SORCS2: variants seen among roughly 807,000 people sequenced by gnomAD.
The protein encoded by SORCS2 is sortilin related VPS10 domain containing receptor 2, also known as VPS10 domain-containing receptor SorCS2.
In SORCS2, 100 loss-of-function variants were observed where a neutral mutation model predicts 141.6. That is an observed-to-expected ratio of 0.71 (90% confidence interval 0.60 to 0.83). SORCS2 has a LOEUF of 0.83. Among genes scored for constraint, SORCS2 ranks in the 40% least tolerant of loss-of-function variants. The pLI is 0.00. For missense variants in SORCS2, 1,646 were observed against 1,560.2 expected (o/e 1.05, Z -0.93); for synonymous variants, 789 against 676.9 (o/e 1.17, Z -2.57).
intron 3 of SORCS2, among the ~76,000 whole-genome samples, chr4:7,540,782 C>T (rs9991407): frequency 0.21 from 31,868 of 152,170 alleles, 3,379 homozygotes; most frequent in African/African-American, 0.24. Flanking sequence ...GACCCCCCTG[C>T]CCCCCGCACC....
chr4:7,441,007 A>T (rs1391164295), intron 2 of SORCS2, among the ~76,000 whole-genome samples: 1 of 152,110 alleles, frequency 6.6e-6, no homozygotes, highest in Admixed American at 6.5e-5. Context: ...CCGTGGGGGA[A>T]GGTGGAGATT....
At chr4:7,276,599 A>G (rs1428773956) in intron 1 of SORCS2, among the ~76,000 whole-genome samples, 2 of 152,136 alleles carry the variant, frequency 1.3e-5, no homozygotes. Context: ...ACGCACTGGA[A>G]ACTCAGGTGG....
chr4:7,596,436 A>G (rs1472768571), intron 3 of SORCS2, among the ~76,000 whole-genome samples: 1 of 152,318 alleles, frequency 6.6e-6, no homozygotes, highest in East Asian at 1.9e-4. Context: ...AGTGCCCTTC[A>G]GGTGCCAAGA....
intron 2 of SORCS2, among the ~76,000 whole-genome samples, chr4:7,498,354 C>T (rs537872998): frequency 3.1e-4 from 47 of 152,334 alleles, no homozygotes; most frequent in African/African-American, 1.1e-3. Context: ...AGTGGGAGCA[C>T]CTGCCCAGAG....
intron 13 of SORCS2, 125 bp from the exon 14 acceptor site, chr4:7,704,052 T>A (rs1725255290): frequency 5.4e-6 from 4 of 739,650 alleles, no homozygotes; most frequent in Non-Finnish European, 9.7e-6. Flanking sequence ...AGATGTGGTA[T>A]CACCTGCACT....
intron 3 of SORCS2, among the ~76,000 whole-genome samples, chr4:7,635,366 C>T (rs1232557661): frequency 6.6e-6 from 1 of 152,212 alleles, no homozygotes; most frequent in Admixed American, 6.5e-5. Flanking sequence ...ATCTCTGCAA[C>T]TTTTCTGTAA....
intron 3 of SORCS2, among the ~76,000 whole-genome samples, chr4:7,584,009 C>T (rs1716364599): frequency 6.6e-6 from 1 of 152,200 alleles, no homozygotes; most frequent in South Asian, 2.1e-4. Context: ...AAGACCTGCT[C>T]CCAGAGGCTA....
intron 3 of SORCS2, among the ~76,000 whole-genome samples, chr4:7,586,489 C>T (rs552851404): frequency 6.6e-6 from 1 of 152,240 alleles, no homozygotes; most frequent in African/African-American, 2.4e-5. Flanking sequence ...GCCCCATTCT[C>T]CCAACAGGCC....
intron 3 of SORCS2, among the ~76,000 whole-genome samples, chr4:7,558,844 T>G (rs1714324080): frequency 6.6e-6 from 1 of 152,206 alleles, no homozygotes; most frequent in Non-Finnish European, 1.5e-5. Context: ...CACGGGCCTC[T>G]GGCTTTACCC....
intron 1 of SORCS2, among the ~76,000 whole-genome samples, chr4:7,343,663 A>C (rs986910572): frequency 6.6e-6 from 1 of 152,200 alleles, no homozygotes; most frequent in Admixed American, 6.5e-5. Context: ...TGCCTGCCTC[A>C]GTTTCCCCAT....
chr4:7,641,095 C>T (rs1190356380), intron 4 of SORCS2, among the ~76,000 whole-genome samples: 1 of 152,168 alleles, frequency 6.6e-6, no homozygotes, highest in African/African-American at 2.4e-5. Context: ...CCACCGCAGG[C>T]CAGCTTGGGC....
At chr4:7,697,108 G>T in intron 11 of SORCS2, 90 bp from the exon 12 acceptor site, 4 of 1,141,434 alleles carry the variant, frequency 3.5e-6, no homozygotes, top group Non-Finnish European at 5.1e-6. Flanking sequence ...ACTGGCCACC[G>T]TTGCTTGAGG....
In SORCS2 at chr4:7,408,014, T is replaced by C. The variant is rs550284796; in HGVS notation, c.548+11659T>C. On this transcript the variant is annotated intron_variant, in intron 2 of 26. Transcript: ENST00000507866. ...TTAGTTGTTTCAGTTTACGTATTTC[T>C]ATATTACCTATTTCTCAGCAAGTTG... 3.9e-5 allele frequency among the ~76,000 whole-genome samples: 6 copies of C among 152,274 alleles called. No individual in the cohort carries two copies. In the South Asian group the frequency reaches 1.2e-3, roughly 32 times the overall value.
At chr4:7,362,160 C>T (rs1239593442) in intron 1 of SORCS2, among the ~76,000 whole-genome samples, 1 of 152,056 alleles carries the variant, frequency 6.6e-6, no homozygotes, top group African/African-American at 2.4e-5. Context: ...TGTGAGAGAA[C>T]AAGATGGCAA....
chr4:7,725,346 A>C (rs1465744426), intron 20 of SORCS2, 59 bp downstream of exon 20: 3 of 1,562,354 alleles, frequency 1.9e-6, no homozygotes, highest in African/African-American at 2.7e-5. Flanking sequence ...CAAGCTGCAC[A>C]GTGGGGCAGA....
rs370962184 is a variant in SORCS2, at chr4:7,566,938, C to T, written c.648+35309C>T. ...GAGCTAGTCACATGGCCTGGCTTACCTTAGTGGATGCTGGGAAATGCAGAG... is the reference window on the plus strand; with the variant it reads ...GAGCTAGTCACATGGCCTGGCTTACTTTAGTGGATGCTGGGAAATGCAGAG... On this transcript the variant is annotated intron_variant, in intron 3 of 26. Coordinates refer to ENST00000507866, the MANE Select transcript of SORCS2 (RefSeq NM_020777.3). 2.0e-5 allele frequency among the ~76,000 whole-genome samples: 3 copies of T among 151,970 alleles called. No individual in the cohort carries two copies. The East Asian group carries it at 5.8e-4, about 30-fold the overall frequency.
chr4:7,213,836 C>T (rs1728181347), intron 1 of SORCS2, among the ~76,000 whole-genome samples: 1 of 152,190 alleles, frequency 6.6e-6, no homozygotes, highest in African/African-American at 2.4e-5. Context: ...TACTTGGATG[C>T]CACGAGCCAG....
Position 7,676,081 on chromosome 4 carries a change from A to G in SORCS2, c.1193A>G (p.Gln398Arg). ...CAGATCATCAGCACGGACGAGAGTC[A>G]GGTGTTCGTGGCGGTGCAGGAGTGG... The part of the protein sequence containing the change: ...DLQIISTDES[Q>R]VFVAVQEWYQ... Residue 398 changes from glutamine (Q) to arginine (R), a missense_variant, in exon 9 of 27, where the codon CAG becomes CGG. By Grantham distance (43) the Gln-to-Arg change is conservative (BLOSUM62 1). Transcript: ENST00000507866. The G allele has an allele frequency of 1.3e-6, 2 of 1,591,706 alleles. No individual in the cohort carries two copies. Among genetic ancestry groups the G allele is most frequent in the Non-Finnish European group, 1.7e-6 (2 of 1,168,476 alleles).
intron 25 of SORCS2, 31 bp downstream of exon 25, chr4:7,734,405 G>A (rs1040104671): frequency 2.4e-5 from 35 of 1,437,598 alleles, no homozygotes; most frequent in Non-Finnish European, 3.0e-5. Flanking sequence ...CCTCTGCGGG[G>A]CTCTGACCAT....
Sources: gnomAD v4.1 joint callset for allele counts (sites outside exome capture counted in the v4.1 genomes callset) on GRCh38, gnomAD v4.1.1 for gene constraint, MANE v1.5 for transcripts, NCBI Gene and HGNC (gene_info 2026-07-23, HGNC 2026-07-21) for gene names.